DSE: variants seen among roughly 807,000 people sequenced by gnomAD.
The protein encoded by DSE is dermatan sulfate epimerase.
Under a neutral mutation model 84.4 loss-of-function variants are expected in DSE, and 36 were observed. The ratio of observed to expected loss-of-function variants is 0.43; its 90% CI spans 0.33 to 0.56. The LOEUF is 0.56. Ranked by LOEUF, DSE falls within the 20% of genes least tolerant of loss-of-function variation. The pLI is 0.06. For synonymous variants in DSE, 410 were observed against 430.1 expected (o/e 0.95, Z 0.58); for missense variants, 862 against 1,169.6 (o/e 0.74, Z 3.84).
intron 2 of DSE, among the ~76,000 whole-genome samples, chr6:116,333,328 CTTG>C (rs1415950927): frequency 6.6e-6 from 1 of 152,086 alleles, no homozygotes; most frequent in Non-Finnish European, 1.5e-5. Context: ...TGAGGGCATT[CTTG>C]TTGTATCATA....
rs1295122719 is a variant in DSE at position 116,316,823 on chromosome 6, C to CTAT, written c.-54+57858_-54+57859insTTA. Among the ~76,000 whole-genome samples the CTAT allele has an allele frequency of 2.7e-4, 24 of 88,344 alleles. 1 individual carries two copies. The highest frequency in any genetic ancestry group is 2.1e-3 in the Admixed American group (21 of 10,112). 58.0% of individuals were successfully genotyped at this position (88,344 alleles called of 152,430 possible). ...ATTTCTTCTTCTACTACTACTACTA[C>CTAT]TACTATTATTATTATTATTATTATT... is the stretch of plus-strand genomic sequence containing the variant. On this transcript the variant is annotated intron_variant, in intron 2 of 3. Coordinates refer to the DSE transcript ENST00000430252.
intron 2 of DSE, chr6:116,279,966 CTCACGGTA>C (rs1030199276): frequency 1.2e-5 from 16 of 1,283,664 alleles, no homozygotes; most frequent in Non-Finnish European, 1.8e-5. Context: ...GACTGGAGAT[CTCACGGTA>C]TCGCGAGAAC....
chr6:116,338,936 C>T (rs146235969), intron 2 of DSE, among the ~76,000 whole-genome samples: 306 of 152,336 alleles, frequency 2.0e-3, no homozygotes, highest in African/African-American at 7.1e-3. Context: ...TCCTCTATGC[C>T]TCCAAATAGC....
rs113277624 is a variant in DSE at position 116,437,103 on chromosome 6, C to G, written c.2635C>G (p.Arg879Gly). 3.7e-6 allele frequency: 6 copies of G among 1,613,946 alleles called. No individual in the cohort carries two copies. The Admixed American group carries it at 1.0e-4, about 27-fold the overall frequency. Residue 879 changes from arginine (R) to glycine (G), a missense_variant, in exon 6 of 6, where the codon CGG becomes GGG. Physicochemically the swap from Arg to Gly is moderately radical, Grantham distance 125 (BLOSUM62 -2). Around this residue, in one of 4 missense-constraint regions of DSE, gnomAD observed 315 missense variants for 348.1 expected, o/e 0.90. Coordinates refer to ENST00000644252, the MANE Select transcript of DSE (RefSeq NM_013352.4). ...TAAAAATGGGGGCTTGATTAAAGGC[C>G]GGTTTGGACAGGCACGGATGGTGAC... ...KHKNGGLIKG[R>G]FGQARMVTTT...
chr6:116,315,734 G>C (rs1775932458), intron 2 of DSE, among the ~76,000 whole-genome samples: 1 of 152,204 alleles, frequency 6.6e-6, no homozygotes, highest in Non-Finnish European at 1.5e-5. Context: ...GGGCACGGTG[G>C]CTCACGCCTG....
At chr6:116,343,976 A>C (rs1285291104) in intron 2 of DSE, among the ~76,000 whole-genome samples, 1 of 152,234 alleles carries the variant, frequency 6.6e-6, no homozygotes, top group Non-Finnish European at 1.5e-5. Flanking sequence ...TGGCATGAGA[A>C]CTACGTGATG....
At chr6:116,316,159 A>G (rs1775965628) in intron 2 of DSE, among the ~76,000 whole-genome samples, 1 of 152,152 alleles carries the variant, frequency 6.6e-6, no homozygotes, top group South Asian at 2.1e-4. Flanking sequence ...TCTCAATAAC[A>G]CCTTTAATTT....
chr6:116,332,538 G>T (rs1465307048), intron 2 of DSE, among the ~76,000 whole-genome samples: 10 of 152,178 alleles, frequency 6.6e-5, no homozygotes, highest in Non-Finnish European at 1.2e-4. Flanking sequence ...TAATACTTAT[G>T]TCTGTGATAA....
intron 2 of DSE, among the ~76,000 whole-genome samples, chr6:116,348,803 G>T (rs1040580611): frequency 1.3e-5 from 2 of 152,142 alleles, no homozygotes; most frequent in East Asian, 1.9e-4. Context: ...CCATAAAAAA[G>T]GATGAGTTCA....
At chr6:116,425,890 C>T (rs141840453) in intron 2 of DSE, among the ~76,000 whole-genome samples, 2 of 152,264 alleles carry the variant, frequency 1.3e-5, no homozygotes, top group East Asian at 1.9e-4. Context: ...CCAAAGTGGA[C>T]AATGTAATTC....
chr6:116,271,301 A>G (rs1360239353), intron 2 of DSE, among the ~76,000 whole-genome samples: 1 of 152,200 alleles, frequency 6.6e-6, no homozygotes, highest in East Asian at 1.9e-4. Flanking sequence ...TCAGTAGCTC[A>G]TGGGTGGGGT....
chr6:116,258,784 AC>A, exon 2 of DSE: 1 of 1,610,036 alleles, frequency 6.2e-7, no homozygotes, highest in East Asian at 2.2e-5. Context: ...GTTCACCAGG[AC>A]CTGCAGAGGG....
chr6:116,315,117 C>A (rs1231690700), intron 2 of DSE, among the ~76,000 whole-genome samples: 2 of 152,150 alleles, frequency 1.3e-5, no homozygotes, highest in African/African-American at 4.8e-5. Context: ...GCAGCTTCCT[C>A]CATCTCTCTA....
chr6:116,398,948 A>T (rs1197466291), intron 1 of DSE, among the ~76,000 whole-genome samples: 1 of 152,242 alleles, frequency 6.6e-6, no homozygotes, highest in Non-Finnish European at 1.5e-5. Flanking sequence ...ACTTGAACAA[A>T]TATTATACAT....
intron 2 of DSE, among the ~76,000 whole-genome samples, chr6:116,335,765 TAC>T (rs749852785): frequency 3.5e-4 from 53 of 152,234 alleles, no homozygotes; most frequent in Non-Finnish European, 6.3e-4. Context: ...CATAAGTTAC[TAC>T]AAGTCACTTT....
chr6:116,386,627 T>A (rs1780591675), intron 1 of DSE, among the ~76,000 whole-genome samples: 1 of 152,230 alleles, frequency 6.6e-6, no homozygotes, highest in Admixed American at 6.5e-5. Flanking sequence ...TGTGACTGAC[T>A]TCAGCTACTC....
chr6:116,400,551 A>G (rs1781530285), intron 2 of DSE: 1 of 152,220 alleles, frequency 6.6e-6, no homozygotes, highest in Non-Finnish European at 1.5e-5. Flanking sequence ...ATCTTAACAT[A>G]TCACAGGGGT....
intron 1 of DSE, among the ~76,000 whole-genome samples, chr6:116,391,033 G>A (rs533731630): frequency 6.6e-6 from 1 of 152,206 alleles, no homozygotes; most frequent in Non-Finnish European, 1.5e-5. Flanking sequence ...GGTGGATGGG[G>A]GAGGAACCCT....
At chr6:116,314,152 G>T (rs914428496) in intron 2 of DSE, among the ~76,000 whole-genome samples, 1 of 151,396 alleles carries the variant, frequency 6.6e-6, no homozygotes, top group Non-Finnish European at 1.5e-5. Context: ...TTGCTTTTCT[G>T]GTCCATGTGC....
Sources: allele counts gnomAD v4.1 joint callset (sites outside exome capture counted in the v4.1 genomes callset), GRCh38; gene constraint gnomAD v4.1.1; regional missense constraint gnomAD v4.1.1; transcripts MANE v1.5; gene names NCBI Gene and HGNC (gene_info 2026-07-23, HGNC 2026-07-21).